The following GABRB1 variants were observed in gnomAD, a reference collection of about 807,000 sequenced individuals.
GABRB1 encodes gamma-aminobutyric acid receptor subunit beta-1.
GABRB1 carries 17 observed loss-of-function variants against 51.6 expected under a neutral mutation model. The observed-to-expected ratio is 0.33, with a 90% CI of 0.23 to 0.49. GABRB1 has a LOEUF of 0.49. Among genes scored for constraint, GABRB1 ranks in the 20% least tolerant of loss-of-function variants. GABRB1 has a pLI of 0.99. For synonymous variants in GABRB1, 247 were observed against 218.9 expected (o/e 1.13, Z -1.14); for missense variants, 410 against 600.6 (o/e 0.68, Z 3.32).
At position 47,161,482 on chromosome 4, in the gene GABRB1, A is replaced by T. The variant is rs1341999919; in HGVS notation, c.461+13A>T. 4 of 1,594,638 alleles carry T rather than the reference A, an allele frequency of 2.5e-6. No homozygotes were observed. In the African/African-American group the frequency reaches 4.0e-5, roughly 16 times the overall value. ...TCTATGGACTCCGGTAAATGGCTTT[A>T]TGTTGCATGTTTTAATGTTGTTGTT... On this transcript the variant is annotated intron_variant, in intron 4 of 8. Coordinates refer to ENST00000295454, the MANE Select transcript of GABRB1 (RefSeq NM_000812.4).
chr4:47,299,286 A>G (rs1358294293), intron 4 of GABRB1, among the ~76,000 whole-genome samples: 1 of 152,134 alleles, frequency 6.6e-6, no homozygotes, highest in South Asian at 2.1e-4. Flanking sequence ...AGAAACTACC[A>G]TCAGAGTGAA....
chr4:47,355,038 T>G lies in GABRB1; in HGVS notation c.544+34829T>G, dbSNP rs574832154. On this transcript the variant is annotated intron_variant, in intron 5 of 8. Coordinates refer to ENST00000295454, the MANE Select transcript of GABRB1 (RefSeq NM_000812.4). ...TCTCTCTCTGTCACCCAGGATGGAG[T>G]GCAGTGGCGCGATCTTGGCTCACTG... 2.9e-5 allele frequency among the ~76,000 whole-genome samples: 4 copies of G among 136,392 alleles called. No homozygotes were observed. The East Asian group carries it at 8.4e-4, about 29-fold the overall frequency. 89.5% of individuals were successfully genotyped at this position (136,392 alleles called of 152,430 possible). A position where few individuals can be genotyped will look rare whatever the true frequency, so the allele number is the denominator to read the frequency against.
chr4:47,267,933 G>T (rs773379616), intron 4 of GABRB1, among the ~76,000 whole-genome samples: 3 of 152,130 alleles, frequency 2.0e-5, no homozygotes, highest in African/African-American at 7.2e-5. Flanking sequence ...AGATGCACTT[G>T]AAGGCCCATC....
chr4:47,412,600 G>A (rs796425512), intron 8 of GABRB1, among the ~76,000 whole-genome samples: 8 of 152,214 alleles, frequency 5.3e-5, no homozygotes, highest in Admixed American at 1.3e-4. Flanking sequence ...GGCACTGTTC[G>A]TCTGGGAGTA....
At chr4:46,998,523 G>A (rs543844919) in intron 1 of GABRB1, among the ~76,000 whole-genome samples, 62 of 152,160 alleles carry the variant, frequency 4.1e-4, no homozygotes, top group African/African-American at 1.4e-3. Context: ...ACGAAGGTCA[G>A]GAGATGGAGA....
chr4:47,013,353 T>C (rs1288387843), intron 1 of GABRB1, among the ~76,000 whole-genome samples: 1 of 152,132 alleles, frequency 6.6e-6, no homozygotes, highest in African/African-American at 2.4e-5. Context: ...AGAGGCAGGG[T>C]TTCACCATGT....
At chr4:47,263,537 G>T (rs987958412) in intron 4 of GABRB1, among the ~76,000 whole-genome samples, 15 of 152,230 alleles carry the variant, frequency 9.9e-5, no homozygotes, top group Middle Eastern at 3.4e-3. Context: ...AAAATACTGG[G>T]ATTTTTAGAG....
intron 3 of GABRB1, among the ~76,000 whole-genome samples, chr4:47,079,997 A>AT (rs1281037683): frequency 2.0e-4 from 30 of 152,032 alleles, no homozygotes; most frequent in African/African-American, 7.0e-4. Context: ...TTAAAGAATA[A>AT]TAAAAAAAAA....
At chr4:47,313,846 A>G (rs1432312190) in intron 4 of GABRB1, among the ~76,000 whole-genome samples, 1 of 152,046 alleles carries the variant, frequency 6.6e-6, no homozygotes, top group Non-Finnish European at 1.5e-5. Context: ...TTTGGTGACC[A>G]TATTTGTATT....
At chr4:47,360,304 T>C (rs1441820697) in intron 5 of GABRB1, among the ~76,000 whole-genome samples, 1 of 151,950 alleles carries the variant, frequency 6.6e-6, no homozygotes, top group Non-Finnish European at 1.5e-5. Context: ...AAGAAATAAC[T>C]GTATTTTTGC....
intron 1 of GABRB1, among the ~76,000 whole-genome samples, chr4:46,997,433 TATA>T (rs1046415054): frequency 5.3e-5 from 8 of 149,824 alleles, no homozygotes; most frequent in Admixed American, 4.0e-4. Context: ...TTATATAATA[TATA>T]ATAATAATAA....
intron 4 of GABRB1, among the ~76,000 whole-genome samples, chr4:47,296,034 A>T (rs1348147922): frequency 6.6e-6 from 1 of 152,086 alleles, no homozygotes; most frequent in Non-Finnish European, 1.5e-5. Context: ...GGAGAAATAA[A>T]ATACTTTACA....
intron 5 of GABRB1, among the ~76,000 whole-genome samples, chr4:47,370,001 A>G (rs1727129034): frequency 6.6e-6 from 1 of 152,208 alleles, no homozygotes; most frequent in Non-Finnish European, 1.5e-5. Flanking sequence ...ATTAAATTTT[A>G]TATAAACATA....
At chr4:47,063,152 G>A (rs571739271) in intron 3 of GABRB1, among the ~76,000 whole-genome samples, 2 of 152,086 alleles carry the variant, frequency 1.3e-5, no homozygotes, top group Admixed American at 6.5e-5. Context: ...CTTTCTTTCC[G>A]GTGTTCACTT....
At chr4:47,408,821 G>A (rs902346702) in intron 8 of GABRB1, among the ~76,000 whole-genome samples, 19 of 152,216 alleles carry the variant, frequency 1.2e-4, no homozygotes, top group Admixed American at 1.0e-3. Flanking sequence ...CCTCTGCACA[G>A]CTTGGAATGT....
chr4:47,045,213 C>T (rs945550534), intron 3 of GABRB1, among the ~76,000 whole-genome samples: 1 of 152,018 alleles, frequency 6.6e-6, no homozygotes, highest in Non-Finnish European at 1.5e-5. Flanking sequence ...AATAATTACC[C>T]ATGGACAACA....
At chr4:47,352,137 G>A (rs1006026405) in intron 5 of GABRB1, among the ~76,000 whole-genome samples, 20 of 152,120 alleles carry the variant, frequency 1.3e-4, no homozygotes, top group African/African-American at 4.8e-4. Context: ...TCGTGGTTTT[G>A]ATTTGCATTT....
chr4:47,408,743 T>C (rs75081582), intron 8 of GABRB1, among the ~76,000 whole-genome samples: 18,374 of 152,154 alleles, frequency 0.12, 1,241 homozygotes, highest in Middle Eastern at 0.28. Context: ...GCTTTAAAAG[T>C]ACTTTGGGAG....
intron 5 of GABRB1, among the ~76,000 whole-genome samples, chr4:47,327,887 C>T (rs1725314085): frequency 6.6e-6 from 1 of 152,212 alleles, no homozygotes; most frequent in South Asian, 2.1e-4. Flanking sequence ...AATCGCCACA[C>T]TGACTTCCAC....
Sources: gnomAD v4.1 joint callset for allele counts (sites outside exome capture counted in the v4.1 genomes callset) on GRCh38, gnomAD v4.1.1 for gene constraint, MANE v1.5 for transcripts, NCBI Gene and HGNC (gene_info 2026-07-23, HGNC 2026-07-21) for gene names.